The following MRPS28 variants were observed in gnomAD, a reference collection of about 807,000 sequenced individuals.
MRPS28 encodes the protein mitochondrial ribosomal protein S28.
MRPS28 carries 7 observed loss-of-function variants against 10.8 expected under a neutral mutation model. The observed-to-expected ratio is 0.65, with a 90% CI of 0.37 to 1.22. The LOEUF (loss-of-function observed/expected upper bound fraction) is 1.22, where lower values mean the gene tolerates loss of function less well. MRPS28 is among the 50% of genes most tolerant of loss of function. The probability of loss-of-function intolerance (pLI) is 0.02; values close to 1 mark genes in which losing one functional copy is unlikely to be tolerated. For missense variants in MRPS28, 265 were observed against 232.9 expected, an observed-to-expected ratio of 1.14 and a Z score of -0.90; for synonymous variants, 121 against 93.3, an observed-to-expected ratio of 1.30 and a Z score of -1.71.
chr8:79,947,858 T>C (rs527908738), intron 2 of MRPS28, among the ~76,000 whole-genome samples: 33 of 151,538 alleles, frequency 2.2e-4, no homozygotes, highest in African/African-American at 7.2e-4. Context: ...GGGATGGTCT[T>C]GATCTCCTGA....
intron 2 of MRPS28, 67 bp downstream of exon 2, chr8:80,002,932 A>C: frequency 7.8e-7 from 1 of 1,282,154 alleles, no homozygotes; most frequent in Non-Finnish European, 1.1e-6. Context: ...CTTTCATTCA[A>C]CAATACTTTT....
chr8:79,945,512 T>C (rs971312629), intron 2 of MRPS28, among the ~76,000 whole-genome samples: 2 of 152,188 alleles, frequency 1.3e-5, no homozygotes, highest in Non-Finnish European at 2.9e-5. Context: ...ATAAGCTGTA[T>C]AATGGGTACA....
chr8:79,983,018 AC>A (rs1397165853), intron 2 of MRPS28, among the ~76,000 whole-genome samples: 1 of 139,846 alleles, frequency 7.2e-6, no homozygotes, highest in Non-Finnish European at 1.5e-5. Flanking sequence ...ACTGGGAGGC[AC>A]CCCCCAGTAG....
chr8:80,002,978 C>A, intron 2 of MRPS28, 21 bp downstream of exon 2: 1 of 1,527,814 alleles, frequency 6.5e-7, no homozygotes, highest in Middle Eastern at 1.8e-4. Flanking sequence ...TCTTAAGGTA[C>A]TTGGAAATGA....
intron 1 of MRPS28, among the ~76,000 whole-genome samples, chr8:80,017,862 A>C (rs1809237015): frequency 6.6e-6 from 1 of 152,202 alleles, no homozygotes; most frequent in African/African-American, 2.4e-5. Flanking sequence ...ATCAAATCCA[A>C]CAACATATAA....
intron 2 of MRPS28, among the ~76,000 whole-genome samples, chr8:79,976,322 A>T (rs2130059611): frequency 6.6e-6 from 1 of 152,274 alleles, no homozygotes; most frequent in South Asian, 2.1e-4. Flanking sequence ...ACCTCAGGTG[A>T]TCTGCCTGCC....
intron 1 of MRPS28, among the ~76,000 whole-genome samples, chr8:80,016,065 G>A (rs182976213): frequency 1.3e-5 from 2 of 152,250 alleles, no homozygotes; most frequent in African/African-American, 2.4e-5. Flanking sequence ...TACAAAAGGT[G>A]TAAACTAATG....
chr8:80,011,135 A>ATTT (rs149203015), intron 1 of MRPS28, among the ~76,000 whole-genome samples: 1 of 136,112 alleles, frequency 7.3e-6, no homozygotes, highest in African/African-American at 2.9e-5. Flanking sequence ...TTATTTTTTT[A>ATTT]TTTTTATTTT....
intron 2 of MRPS28, among the ~76,000 whole-genome samples, chr8:79,950,952 T>TC (rs920802502): frequency 2.0e-5 from 3 of 151,822 alleles, no homozygotes; most frequent in Non-Finnish European, 2.9e-5. Flanking sequence ...TATCTACCAC[T>TC]CCCCCCCACC....
intron 2 of MRPS28, among the ~76,000 whole-genome samples, chr8:79,978,392 A>G (rs1045597513): frequency 6.6e-6 from 1 of 152,156 alleles, no homozygotes; most frequent in Non-Finnish European, 1.5e-5. Context: ...AACTAGGAAG[A>G]TAAGAATCTG....
chr8:79,966,733 C>G (rs1399854801), intron 2 of MRPS28, among the ~76,000 whole-genome samples: 1 of 152,070 alleles, frequency 6.6e-6, no homozygotes, highest in African/African-American at 2.4e-5. Flanking sequence ...TGTAGTTCGT[C>G]TGGCTTTAGT....
chr8:80,002,237 G>A (rs1160779348), intron 2 of MRPS28, among the ~76,000 whole-genome samples: 4 of 151,784 alleles, frequency 2.6e-5, no homozygotes, highest in Non-Finnish European at 5.9e-5. Context: ...CTTAAACACT[G>A]TAATTCATCC....
intron 2 of MRPS28, among the ~76,000 whole-genome samples, chr8:79,959,817 A>C (rs1301524114): frequency 1.3e-5 from 2 of 152,144 alleles, no homozygotes; most frequent in African/African-American, 2.4e-5. Context: ...ATGTTTAAAA[A>C]ACACTTATAA....
intron 2 of MRPS28, among the ~76,000 whole-genome samples, chr8:79,951,329 G>T (rs1262470367): frequency 1.3e-5 from 2 of 152,178 alleles, no homozygotes; most frequent in African/African-American, 4.8e-5. Flanking sequence ...AAAGTGAGAA[G>T]ATGGCCATTC....
intron 2 of MRPS28, among the ~76,000 whole-genome samples, chr8:79,939,747 G>T (rs1287269893): frequency 6.6e-6 from 1 of 152,050 alleles, no homozygotes; most frequent in Non-Finnish European, 1.5e-5. Flanking sequence ...GAGGCAGGCG[G>T]ATCACGAGGT....
chr8:79,940,131 A>T (rs143142723), intron 2 of MRPS28, among the ~76,000 whole-genome samples: 8 of 152,174 alleles, frequency 5.3e-5, no homozygotes, highest in Non-Finnish European at 1.0e-4. Flanking sequence ...CTGATTACTT[A>T]TATTAGGGGT....
chr8:80,021,045 T>C (rs1017349220), intron 1 of MRPS28, among the ~76,000 whole-genome samples: 4 of 151,332 alleles, frequency 2.6e-5, no homozygotes, highest in African/African-American at 9.7e-5. Flanking sequence ...TTTCTGGCGC[T>C]AGGCTGGAGT....
chr8:79,988,696 A>G (rs1586080436), intron 2 of MRPS28, among the ~76,000 whole-genome samples: 1 of 152,340 alleles, frequency 6.6e-6, no homozygotes, highest in East Asian at 1.9e-4. Context: ...TGATTTTTAA[A>G]ACAGACAGCT....
chr8:79,943,702 T>C (rs1158185664), intron 2 of MRPS28, among the ~76,000 whole-genome samples: 1 of 152,216 alleles, frequency 6.6e-6, no homozygotes, highest in Non-Finnish European at 1.5e-5. Flanking sequence ...CAAGAGTGTT[T>C]CTGTTTCAAT....
Sources: gnomAD v4.1 joint callset for allele counts (sites outside exome capture counted in the v4.1 genomes callset) on GRCh38, gnomAD v4.1.1 for gene constraint, MANE v1.5 for transcripts, NCBI Gene and HGNC (gene_info 2026-07-23, HGNC 2026-07-21) for gene names.